The following MAGI1 variants were observed in gnomAD, a reference collection of about 807,000 sequenced individuals.
The protein encoded by MAGI1 is membrane associated guanylate kinase, WW and PDZ domain containing 1.
A neutral mutation model predicts 139.9 loss-of-function variants in MAGI1; 58 were observed. The ratio of observed to expected loss-of-function variants is 0.41; its 90% CI spans 0.34 to 0.52. The LOEUF is 0.52. MAGI1 is among the 20% of genes least tolerant of loss of function. The pLI, the probability that MAGI1 is intolerant of heterozygous loss-of-function variation, is 0.12. For synonymous variants in MAGI1, 812 were observed against 737.9 expected (o/e 1.10, Z -1.63); for missense variants, 1,874 against 1,901.6 (o/e 0.99, Z 0.27).
intron 5 of MAGI1, among the ~76,000 whole-genome samples, chr3:65,454,406 A>G (rs974513977): frequency 6.6e-6 from 1 of 151,464 alleles, no homozygotes; most frequent in African/African-American, 2.4e-5. Context: ...GGAGAGGGAT[A>G]GCATTGGGAG....
chr3:65,480,007 C>T (rs1354504397), intron 3 of MAGI1, among the ~76,000 whole-genome samples: 1 of 152,110 alleles, frequency 6.6e-6, no homozygotes, highest in Non-Finnish European at 1.5e-5. Flanking sequence ...GATGCTGGAT[C>T]AATCCTAACT....
At chr3:65,478,263 A>C (rs1016345746) in intron 4 of MAGI1, among the ~76,000 whole-genome samples, 1 of 152,170 alleles carries the variant, frequency 6.6e-6, no homozygotes, top group Non-Finnish European at 1.5e-5. Context: ...CCCCCCAAAA[A>C]AAATCAATGA....
intron 1 of MAGI1, among the ~76,000 whole-genome samples, chr3:65,989,210 T>C (rs531299782): frequency 2.6e-5 from 4 of 152,334 alleles, no homozygotes; most frequent in Non-Finnish European, 4.4e-5. Context: ...AGGATTTATA[T>C]AGAAATAATG....
intron 1 of MAGI1, among the ~76,000 whole-genome samples, chr3:65,772,177 C>A (rs1026827351): frequency 2.0e-5 from 3 of 152,018 alleles, no homozygotes; most frequent in African/African-American, 7.3e-5. Context: ...GCTTGAGCGA[C>A]AGAGCAAGAC....
chr3:65,501,893 G>A lies in MAGI1; in HGVS notation c.431-8262C>T, dbSNP rs972470860. Reference sequence around the variant, plus strand: ...GCAAAACTACAGATACACACAGCATGGACGAGTCTCACATACATTATGCTC... The same window carrying A: ...GCAAAACTACAGATACACACAGCATAGACGAGTCTCACATACATTATGCTC... On this transcript the variant is annotated intron_variant, in intron 2 of 22. Transcript: ENST00000402939. 3.9e-5 allele frequency among the ~76,000 whole-genome samples: 6 copies of A among 152,144 alleles called. No homozygotes were observed. The East Asian group carries it at 1.2e-3, about 29-fold the overall frequency.
At chr3:65,958,730 T>C (rs1261607305) in intron 1 of MAGI1, among the ~76,000 whole-genome samples, 3 of 152,170 alleles carry the variant, frequency 2.0e-5, no homozygotes, top group East Asian at 3.9e-4. Context: ...CTCAGGCCTA[T>C]AATCCCAGCA....
At chr3:65,813,848 T>C (rs986429863) in intron 1 of MAGI1, among the ~76,000 whole-genome samples, 15 of 152,196 alleles carry the variant, frequency 9.9e-5, no homozygotes, top group African/African-American at 3.4e-4. Flanking sequence ...AAGTCCAGGG[T>C]TCTTCAAACT....
At chr3:65,955,701 C>G (rs902496293) in intron 1 of MAGI1, among the ~76,000 whole-genome samples, 1 of 152,004 alleles carries the variant, frequency 6.6e-6, no homozygotes, top group Non-Finnish European at 1.5e-5. Flanking sequence ...TTTTTCTTTA[C>G]TTCACTTTTT....
chr3:65,520,600 G>T (rs1371433790), intron 2 of MAGI1, among the ~76,000 whole-genome samples: 2 of 152,094 alleles, frequency 1.3e-5, no homozygotes, highest in Admixed American at 6.6e-5. Context: ...CTATTAATAG[G>T]ATTGATTTTT....
At position 65,693,868 on chromosome 3, in the gene MAGI1, G is replaced by A. The variant is rs149715552; in HGVS notation, c.314-71780C>T. Among the ~76,000 whole-genome samples, 7 of 150,500 alleles carry A rather than the reference G, an allele frequency of 4.7e-5. No individual in the cohort carries two copies. The East Asian group carries it at 1.2e-3, about 26-fold the overall frequency. ...CCCCCGAGCAGCTGGGATTACAGGC[G>A]TGGACCATCATGCCTGGCTAATTTT... On this transcript the variant is annotated intron_variant, in intron 1 of 22. Transcript: ENST00000402939.
intron 1 of MAGI1, among the ~76,000 whole-genome samples, chr3:65,878,484 C>A (rs1328698946): frequency 6.8e-6 from 1 of 147,198 alleles, no homozygotes; most frequent in Non-Finnish European, 1.5e-5. Flanking sequence ...CTATTGCACT[C>A]CAGCCTGGAC....
chr3:65,990,552 T>A (rs1000796074), intron 1 of MAGI1, among the ~76,000 whole-genome samples: 1 of 152,162 alleles, frequency 6.6e-6, no homozygotes, highest in Non-Finnish European at 1.5e-5. Context: ...TGCTATGGCA[T>A]GATGTTCCTT....
chr3:65,558,129 T>G (rs540385254), intron 2 of MAGI1, among the ~76,000 whole-genome samples: 10 of 152,306 alleles, frequency 6.6e-5, no homozygotes, highest in Non-Finnish European at 7.3e-5. Context: ...AGGATAATTA[T>G]CATCATTCTC....
intron 5 of MAGI1, among the ~76,000 whole-genome samples, chr3:65,453,719 T>A (rs1949191416): frequency 6.6e-6 from 1 of 152,334 alleles, no homozygotes. Context: ...TATCTATGAC[T>A]TGAGTCTTGG....
chr3:65,707,847 C>A (rs1170271236), intron 1 of MAGI1, among the ~76,000 whole-genome samples: 1 of 152,082 alleles, frequency 6.6e-6, no homozygotes, highest in Non-Finnish European at 1.5e-5. Flanking sequence ...ATAGCTGAAC[C>A]AGAGAGGAAA....
intron 1 of MAGI1, among the ~76,000 whole-genome samples, chr3:65,994,515 A>G (rs920224195): frequency 2.0e-5 from 3 of 152,130 alleles, no homozygotes; most frequent in South Asian, 2.1e-4. Flanking sequence ...ATCTGTTTCA[A>G]TTATCTACTG....
intron 1 of MAGI1, among the ~76,000 whole-genome samples, chr3:65,805,855 C>T (rs2040822319): frequency 6.6e-6 from 1 of 152,158 alleles, no homozygotes; most frequent in Non-Finnish European, 1.5e-5. Context: ...CTAAACACCG[C>T]ATGTTCTCAC....
intron 1 of MAGI1, among the ~76,000 whole-genome samples, chr3:65,714,974 T>C (rs947177713): frequency 1.4e-4 from 21 of 151,616 alleles, no homozygotes; most frequent in Non-Finnish European, 1.6e-4. Flanking sequence ...AGGTTTAGAA[T>C]CTGGACAAAG....
intron 1 of MAGI1, among the ~76,000 whole-genome samples, chr3:65,962,646 C>T (rs2064498152): frequency 6.6e-6 from 1 of 151,560 alleles, no homozygotes; most frequent in Non-Finnish European, 1.5e-5. Context: ...ACCAGCCTGG[C>T]CAACATGGTG....
Sources: allele counts gnomAD v4.1 joint callset (sites outside exome capture counted in the v4.1 genomes callset), GRCh38; gene constraint gnomAD v4.1.1; transcripts MANE v1.5; gene names NCBI Gene and HGNC (gene_info 2026-07-23, HGNC 2026-07-21).